The following PLEC variants were observed in gnomAD, a reference collection of about 807,000 sequenced individuals.
PLEC encodes the protein plectin, also known as hemidesmosomal protein 1.
In PLEC, 216 loss-of-function variants were observed where a neutral mutation model predicts 392.8. That is an observed-to-expected ratio of 0.55 (90% CI 0.49 to 0.62). The LOEUF (loss-of-function observed/expected upper bound fraction) is 0.62. Ranked by LOEUF, PLEC falls within the 20% of genes least tolerant of loss-of-function variation. The pLI is 0.00. For missense variants in PLEC, 6,863 were observed against 6,563.4 expected, an observed-to-expected ratio of 1.05 and a Z score of -1.58; for synonymous variants, 3,621 against 2,980.6, an observed-to-expected ratio of 1.21 and a Z score of -7.00.
chr8:143,950,888 G>T, upstream of PLEC: 1 of 1,285,004 alleles, frequency 7.8e-7, no homozygotes, highest in Non-Finnish European at 1.0e-6. Flanking sequence ...CGGCTGTGTG[G>T]CTCGTGGCGC....
At chr8:143,933,161 G>A (rs1554719009) in intron 13 of PLEC, 36 bp downstream of exon 13, 2 of 1,599,326 alleles carry the variant, frequency 1.3e-6, no homozygotes, top group Admixed American at 1.7e-5. Context: ...GGGGCCGTGT[G>A]TACCTGGGCT....
At position 143,917,075 on chromosome 8, in the gene PLEC, G is replaced by A. The variant is rs782038750; in HGVS notation, c.12746C>T (p.Ser4249Leu). The change falls in exon 32 of 32, where the codon TCG becomes TTG. Residue 4249 changes from serine (S) to leucine (L), a missense_variant. Transcript: ENST00000345136. ...GGGGTAGGAGGAGGAGGATCCCACC[G>A]AGGAGGAACGGGAGCGGAAACCACC... ...NAGGFRSRSS[S>L]VGSSSSYPIS... The A allele has an allele frequency of 1.1e-5, 17 of 1,607,336 alleles. No homozygotes were observed. The highest frequency in any genetic ancestry group is 4.5e-5 in the East Asian group (2 of 44,686).
In PLEC at chr8:143,920,317, G is replaced by A; in HGVS notation, c.9504C>T (p.Ser3168=). ...CARGCLDEET[S]RALSAPRADA... is the part of the protein sequence containing the mutation. ...CGGCCCTTGGTGCCGACAGGGCCCTGCTGGTCTCCTCATCCAGGCAGCCTC... is the reference window on the plus strand; with the variant it reads ...CGGCCCTTGGTGCCGACAGGGCCCTACTGGTCTCCTCATCCAGGCAGCCTC... The change falls in exon 32 of 32, where the codon AGC becomes AGT. Residue 3168 remains serine, a synonymous_variant. Transcript: ENST00000345136. The A allele has an allele frequency of 6.3e-7, 1 of 1,592,030 alleles. No homozygotes were observed. The highest frequency in any genetic ancestry group is 8.5e-7 in the Non-Finnish European group (1 of 1,174,974).
At chr8:143,948,974 T>C (rs1290126187) in intron 1 of PLEC, among the ~76,000 whole-genome samples, 1 of 152,142 alleles carries the variant, frequency 6.6e-6, no homozygotes, top group Non-Finnish European at 1.5e-5. Flanking sequence ...ATGTCGTCCA[T>C]TTAGAGAGGA....
At position 143,932,729 on chromosome 8, in the gene PLEC, G is replaced by C; in HGVS notation, c.1738-17C>G. ...GAGCTGGCCCTGCAACAGATGAGAC[G>C]GTGAGGTCTGCAGTGGCTGGGCCCG... On this transcript the variant is annotated splice_polypyrimidine_tract_variant and intron_variant, in intron 14 of 31. Coordinates refer to ENST00000345136, the MANE Select transcript of PLEC (RefSeq NM_201384.3). 6.2e-7 allele frequency: 1 copy of C among 1,607,452 alleles called. No individual in the cohort carries two copies. Among genetic ancestry groups the C allele is most frequent in the Non-Finnish European group, 8.5e-7 (1 of 1,177,674 alleles).
chr8:143,965,654 C>T (rs1407500145), intron 1 of PLEC, among the ~76,000 whole-genome samples: 2 of 152,222 alleles, frequency 1.3e-5, no homozygotes, highest in East Asian at 3.9e-4. Flanking sequence ...CCCTCTGCTG[C>T]CAGCTCCTCT....
At chr8:143,945,375 G>C (rs1831309979) in intron 1 of PLEC, 2 of 331,698 alleles carry the variant, frequency 6.0e-6, no homozygotes, top group Admixed American at 8.8e-5. Context: ...CTGCTCTGTG[G>C]AAGGCCTGGG....
At chr8:143,948,526 G>A (rs1039044625) in intron 1 of PLEC, among the ~76,000 whole-genome samples, 1 of 152,178 alleles carries the variant, frequency 6.6e-6, no homozygotes, top group East Asian at 1.9e-4. Flanking sequence ...AGCTCAGCCC[G>A]TGAGGTCCAG....
intron 30 of PLEC, 133 bp downstream of exon 30, chr8:143,926,651 G>C: frequency 2.5e-6 from 2 of 805,864 alleles, no homozygotes; most frequent in Non-Finnish European, 4.3e-6. Flanking sequence ...GGGGCAGGGG[G>C]TGCTGGCAGC....
chr8:143,921,368 G>A lies in PLEC; in HGVS notation c.8453C>T (p.Pro2818Leu). The A allele has an allele frequency of 6.2e-7, 1 of 1,613,506 alleles. No individual in the cohort carries two copies. The highest frequency in any genetic ancestry group is 1.1e-5 in the South Asian group (1 of 91,042). Residue 2818 changes from proline (P) to leucine (L), a missense_variant, in exon 32 of 32, where the codon CCC (proline) becomes CTC (leucine). By Grantham distance (98) the Pro-to-Leu change is moderately conservative. Transcript: ENST00000345136. ...CACGGGCACGCGGTGGCTGTGCACG[G>A]GGTCGATAACGCCGCCCGTGGCGAT... ...AQIATGGVID[P>L]VHSHRVPVDV...
At chr8:143,939,193 G>A (rs1554726392) in intron 1 of PLEC, among the ~76,000 whole-genome samples, 157 bp downstream of exon 1, 1 of 152,190 alleles carries the variant, frequency 6.6e-6, no homozygotes, top group Non-Finnish European at 1.5e-5. Flanking sequence ...GGCGCCTGTC[G>A]GCCCACTCCG....
exon 1 of PLEC, chr8:143,950,636 A>C (rs1554735795): frequency 6.3e-7 from 1 of 1,596,256 alleles, no homozygotes; most frequent in East Asian, 2.3e-5. Context: ...GGCCACCATC[A>C]CGCCCTCGCG....
At chr8:143,941,877 G>A (rs950254032), upstream of PLEC, among the ~76,000 whole-genome samples, 2 of 152,100 alleles carry the variant, frequency 1.3e-5, no homozygotes, top group Non-Finnish European at 2.9e-5. Context: ...ACCCTCGGCC[G>A]CCAGCCCAGG....
At position 143,924,624 on chromosome 8, in the gene PLEC, C is replaced by G. The variant is rs1470185171; in HGVS notation, c.5305G>C (p.Ala1769Pro). 1.9e-6 allele frequency: 3 copies of G among 1,539,972 alleles called. No individual in the cohort carries two copies. Among genetic ancestry groups the G allele is most frequent in the Non-Finnish European group, 2.6e-6 (3 of 1,149,162 alleles). ...KVRAEMEVLL[A>P]SKARAEEESR... ...TCCTCCTCAGCCCTCGCCTTGCTGG[C>G]CAGCAGCACCTCCATCTCGGCCCGC... is the stretch of plus-strand genomic sequence containing the variant. The change falls in exon 31 of 32, where the codon GCC becomes CCC. Residue 1769 changes from alanine (A) to proline (P), a missense_variant. By Grantham distance (27) the Ala-to-Pro change is conservative. Transcript: ENST00000345136.
intron 12 of PLEC, among the ~76,000 whole-genome samples, chr8:143,933,653 G>A (rs1394713942): frequency 2.0e-5 from 3 of 152,168 alleles, no homozygotes; most frequent in Non-Finnish European, 4.4e-5. Context: ...GTAATGCCAC[G>A]TGGGCCCTGT....
In PLEC at chr8:143,933,371, A is replaced by C; in HGVS notation, c.1264-20T>G. ...GACATCCTGCAAGGTCGTTGCCATG[A>C]CTCGGAGCACAGCTGATCCCCCTCT... On this transcript the variant is annotated intron_variant, in intron 12 of 31. Transcript: ENST00000345136. 1 of 1,606,112 alleles carries C rather than the reference A, an allele frequency of 6.2e-7. No individual in the cohort carries two copies. The highest frequency in any genetic ancestry group is 8.5e-7 in the Non-Finnish European group (1 of 1,179,876).
At chr8:143,971,119 A>G (rs1230737154) in intron 1 of PLEC, among the ~76,000 whole-genome samples, 3 of 152,034 alleles carry the variant, frequency 2.0e-5, no homozygotes, top group African/African-American at 7.2e-5. Flanking sequence ...CCAGGGAATG[A>G]CGTGTCCAGG....
Position 143,920,845 on chromosome 8 carries a change from G to A in PLEC, c.8976C>T (p.Ile2992=), listed in dbSNP as rs375914011. ...GCAGCTGCTGGTAGAGCTCGCGGTC[G>A]ATGACCCTGCTCTCCAGCAGCTCGG... ...PAAELLESRV[I]DRELYQQLQR... The change falls in exon 32 of 32, where the codon ATC becomes ATT. Residue 2992 remains isoleucine (I), a synonymous_variant. Transcript: ENST00000345136. The A allele has an allele frequency of 1.7e-4, 276 of 1,609,294 alleles. 5 individuals carry two copies. In the African/African-American group the frequency reaches 2.9e-3, roughly 17 times the overall value.
In PLEC at chr8:143,922,738, G is replaced by C; in HGVS notation, c.7191C>G (p.Ala2397=). The C allele has an allele frequency of 6.2e-7, 1 of 1,610,992 alleles. No homozygotes were observed. Among genetic ancestry groups the C allele is most frequent in the Non-Finnish European group, 8.5e-7 (1 of 1,179,656 alleles). ...AGCGCTGGGCGTCCTCCTCAGCGCG[G>C]GCCTGGGCTCGGCTCATCTCGGCCA... The part of the protein sequence containing the change: ...LRVAEMSRAQ[A]RAEEDAQRFR... Residue 2397 remains alanine (A), a synonymous_variant, in exon 31 of 32, where the codon GCC becomes GCG. Transcript: ENST00000345136.
Sources: gnomAD v4.1 joint callset for allele counts (sites outside exome capture counted in the v4.1 genomes callset) on GRCh38, gnomAD v4.1.1 for gene constraint, MANE v1.5 for transcripts, NCBI Gene and HGNC (gene_info 2026-07-23, HGNC 2026-07-21) for gene names.